The following MTM1 variants were observed in gnomAD, a reference collection of about 807,000 sequenced individuals.
MTM1 encodes myotubularin 1, also known as myotubularin.
Under a neutral mutation model 52.1 loss-of-function variants are expected in MTM1, and 9 were observed. That is an observed-to-expected ratio of 0.17 (90% CI 0.10 to 0.30). MTM1 has a LOEUF of 0.30. Ranked by LOEUF, MTM1 falls within the 10% of genes least tolerant of loss-of-function variation. MTM1 has a pLI of 1.00. For synonymous variants in MTM1, 136 were observed against 163.8 expected (o/e 0.83, Z 1.29); for missense variants, 277 against 470.7 (o/e 0.59, Z 3.81).
chrX:150,645,742 T>G lies in MTM1; in HGVS notation c.738T>G (p.Leu246=). The G allele has an allele frequency of 8.3e-7, 1 of 1,211,255 alleles. No individual in the cohort carries two copies. The highest frequency in any genetic ancestry group is 2.2e-5 in the Admixed American group (1 of 46,032). Residue 246 remains leucine (L), a synonymous_variant, in exon 9 of 15, where the codon CTT becomes CTG. Transcript: ENST00000370396. Reference sequence around the variant, plus strand: ...TCATTGTGCGTTGCAGTCAGCCTCTTGTCGGTATGAGTGGGAAACGAAATA... The same window carrying G: ...TCATTGTGCGTTGCAGTCAGCCTCTGGTCGGTATGAGTGGGAAACGAAATA... ...KTVIVRCSQP[L]VGMSGKRNKD...
intron 14 of MTM1, among the ~76,000 whole-genome samples, chrX:150,670,931 T>TG (rs2040385941): frequency 8.9e-6 from 1 of 112,009 alleles, no homozygotes; most frequent in Non-Finnish European, 1.9e-5. Context: ...GAAAACATGT[T>TG]GGGTCAAAAT....
intron 1 of MTM1, among the ~76,000 whole-genome samples, chrX:150,581,504 G>C (rs1298798031): frequency 8.9e-6 from 1 of 111,825 alleles, no homozygotes; most frequent in Non-Finnish European, 1.9e-5. Flanking sequence ...GGGTTGTGCT[G>C]TTTCAGTGAC....
At chrX:150,572,824 C>T (rs75653353) in intron 1 of MTM1, among the ~76,000 whole-genome samples, 30 of 112,712 alleles carry the variant, frequency 2.7e-4, no homozygotes, top group African/African-American at 9.0e-4. Flanking sequence ...GGGCAGGCTC[C>T]TGAGTGATAG....
chrX:150,593,058 T>G (rs782771432), intron 2 of MTM1, among the ~76,000 whole-genome samples: 22 of 111,968 alleles, frequency 2.0e-4, no homozygotes, highest in Non-Finnish European at 4.1e-4. Flanking sequence ...TGGCCAGGCT[T>G]GTCTTGAACT....
chrX:150,574,966 G>T (rs1451263087), intron 1 of MTM1, among the ~76,000 whole-genome samples: 1 of 112,245 alleles, frequency 8.9e-6, no homozygotes, highest in Non-Finnish European at 1.9e-5. Flanking sequence ...AAGCTGAAGC[G>T]TTTAGGAAGC....
intron 1 of MTM1, among the ~76,000 whole-genome samples, chrX:150,583,314 TA>T (rs1201717317): frequency 6.5e-4 from 36 of 55,481 alleles, no homozygotes; most frequent in African/African-American, 2.4e-3. Flanking sequence ...TATATATAAT[TA>T]TAAATATATA....
chrX:150,588,691 C>A (rs1332070971), intron 1 of MTM1, among the ~76,000 whole-genome samples: 2 of 111,687 alleles, frequency 1.8e-5, no homozygotes, highest in African/African-American at 6.5e-5. Flanking sequence ...TTGAAATGTT[C>A]ATGGAAAAGT....
At chrX:150,634,287 C>T (rs1557413647) in intron 6 of MTM1, among the ~76,000 whole-genome samples, 1 of 112,423 alleles carries the variant, frequency 8.9e-6, no homozygotes, top group Non-Finnish European at 1.9e-5. Flanking sequence ...CAAGAATTAA[C>T]ATTTATAGAT....
intron 6 of MTM1, among the ~76,000 whole-genome samples, chrX:150,634,726 A>AC (rs782787750): frequency 8.9e-6 from 1 of 112,043 alleles, no homozygotes; most frequent in East Asian, 2.8e-4. Flanking sequence ...TGACTTGCTC[A>AC]CTTGAGGAAG....
chrX:150,656,949 C>A (rs1018018677), intron 10 of MTM1, among the ~76,000 whole-genome samples: 1 of 111,265 alleles, frequency 9.0e-6, no homozygotes, highest in Non-Finnish European at 1.9e-5. Context: ...GTTAGAATGG[C>A]GATCATTAAA....
chrX:150,583,886 T>TATATTTA (rs1198288915), intron 1 of MTM1, among the ~76,000 whole-genome samples: 422 of 37,937 alleles, frequency 0.011, 25 homozygotes, highest in African/African-American at 0.047. Flanking sequence ...ATTAAATATA[T>TATATTTA]ATATATATTT....
At chrX:150,567,305 CAT>C (rs1396567373), upstream of MTM1, among the ~76,000 whole-genome samples, 2 of 110,836 alleles carry the variant, frequency 1.8e-5, no homozygotes, top group African/African-American at 6.6e-5. Context: ...TTCAATAAAG[CAT>C]ATATATATGC....
chrX:150,606,027 T>C (rs1450375364), intron 4 of MTM1, among the ~76,000 whole-genome samples: 2 of 110,402 alleles, frequency 1.8e-5, no homozygotes, highest in Admixed American at 9.6e-5. Context: ...AAAAAAGCAT[T>C]GGAAACTTTT....
chrX:150,586,248 C>G (rs1470903768), intron 1 of MTM1, among the ~76,000 whole-genome samples: 1 of 111,987 alleles, frequency 8.9e-6, no homozygotes, highest in Non-Finnish European at 1.9e-5. Context: ...TCAAGAAGCT[C>G]TAATGCTTCT....
intron 6 of MTM1, among the ~76,000 whole-genome samples, chrX:150,631,690 A>AAAAAAAAAAAAAAAAT (rs1569565474): frequency 9.2e-6 from 1 of 108,984 alleles, no homozygotes; most frequent in African/African-American, 3.3e-5. Context: ...AAAAAAAAAA[A>AAAAAAAAAAAAAAAAT]AACAAATAAA....
intron 9 of MTM1, among the ~76,000 whole-genome samples, chrX:150,647,327 C>T (rs1557414045): frequency 1.8e-5 from 2 of 109,144 alleles, no homozygotes. Flanking sequence ...GAAATGGATA[C>T]ACTAATTAAA....
intron 4 of MTM1, among the ~76,000 whole-genome samples, chrX:150,604,903 C>A (rs149530750): frequency 0.044 from 4,898 of 110,757 alleles, 286 homozygotes; most frequent in African/African-American, 0.15. Flanking sequence ...TTCTCCCCTC[C>A]CTTGTGTATA....
chrX:150,612,738 C>A (rs782402125), intron 4 of MTM1, among the ~76,000 whole-genome samples: 30 of 111,382 alleles, frequency 2.7e-4, no homozygotes, highest in Admixed American at 6.7e-4. Flanking sequence ...AATCCTAGAA[C>A]TTTGGGAGGC....
intron 1 of MTM1, among the ~76,000 whole-genome samples, chrX:150,580,338 G>A (rs782188167): frequency 1.8e-4 from 20 of 111,791 alleles, no homozygotes; most frequent in African/African-American, 5.8e-4. Context: ...TCCTAGTGTC[G>A]ATAACAGAAT....
Sources: gnomAD v4.1 joint callset for allele counts (sites outside exome capture counted in the v4.1 genomes callset) on GRCh38, gnomAD v4.1.1 for gene constraint, MANE v1.5 for transcripts, NCBI Gene and HGNC (gene_info 2026-07-23, HGNC 2026-07-21) for gene names.